Variants in CIMAP3 observed in about 807,000 individuals in gnomAD.
CIMAP3 encodes ciliary microtubule associated protein 3, also known as ciliary microtubule-associated protein 3.
At chr1:111,346,978 A>G in the CIMAP3 span, 1 of 1,613,884 alleles carries the variant, frequency 6.2e-7, no homozygotes. Context: ...CCATCCCCCG[A>G]ATTTGATTGG....
At chr1:111,352,168 G>T in the CIMAP3 span, 1 of 152,224 alleles carries the variant, frequency 6.6e-6, no homozygotes, top group African/African-American at 2.4e-5. Context: ...CAGACACTCA[G>T]GCCTGAGAGA....
At chr1:111,336,035 C>A in the CIMAP3 span, among the ~76,000 whole-genome samples, 2 of 152,192 alleles carry the variant, frequency 1.3e-5, no homozygotes, top group Non-Finnish European at 2.9e-5. Context: ...GCAGCATTCG[C>A]GGTTCATGAA....
the CIMAP3 span, among the ~76,000 whole-genome samples, chr1:111,350,816 T>C: frequency 6.6e-6 from 1 of 152,264 alleles, no homozygotes; most frequent in Non-Finnish European, 1.5e-5. Context: ...GAAAATCATT[T>C]AACACAGTAC....
chr1:111,335,081 T>C, the CIMAP3 span, among the ~76,000 whole-genome samples: 1 of 131,820 alleles, frequency 7.6e-6, no homozygotes, highest in East Asian at 2.1e-4. Context: ...TGAGCTGAGA[T>C]TGGGTCATTG....
chr1:111,326,183 T>C, the CIMAP3 span, among the ~76,000 whole-genome samples: 1 of 152,138 alleles, frequency 6.6e-6, no homozygotes, highest in African/African-American at 2.4e-5. Context: ...TCCAGTTACT[T>C]TGAAATATAC....
the CIMAP3 span, among the ~76,000 whole-genome samples, chr1:111,339,781 C>A: frequency 1.3e-5 from 2 of 151,742 alleles, 1 homozygote; most frequent in African/African-American, 4.9e-5. Flanking sequence ...CCATACTGCC[C>A]AAGGTAATTT....
chr1:111,334,958 T>C, the CIMAP3 span, among the ~76,000 whole-genome samples: 28 of 151,792 alleles, frequency 1.8e-4, no homozygotes, highest in East Asian at 5.4e-3. Context: ...CAAAACCCTG[T>C]CTCTACCAAA....
At chr1:111,346,730 G>A in the CIMAP3 span, 134 of 1,591,816 alleles carry the variant, frequency 8.4e-5, no homozygotes, top group East Asian at 3.0e-3. Flanking sequence ...GGGTGGGGAA[G>A]CTGGGAAAGA....
At chr1:111,338,170 C>T in the CIMAP3 span, among the ~76,000 whole-genome samples, 10 of 151,370 alleles carry the variant, frequency 6.6e-5, no homozygotes, top group African/African-American at 1.5e-4. Flanking sequence ...CACAACATAC[C>T]GGAATCTCTG....
the CIMAP3 span, among the ~76,000 whole-genome samples, chr1:111,326,690 T>C: frequency 6.6e-6 from 1 of 152,186 alleles, no homozygotes; most frequent in Non-Finnish European, 1.5e-5. Context: ...GTAGTTATAA[T>C]AATTTCCATT....
chr1:111,345,232 T>C, the CIMAP3 span, among the ~76,000 whole-genome samples: 3 of 152,376 alleles, frequency 2.0e-5, no homozygotes, highest in Admixed American at 2.0e-4. Context: ...GCAATTGTAT[T>C]TTAAGTAGAC....
At chr1:111,333,696 C>A in the CIMAP3 span, among the ~76,000 whole-genome samples, 1 of 152,136 alleles carries the variant, frequency 6.6e-6, no homozygotes, top group African/African-American at 2.4e-5. Context: ...TCCATTCTGC[C>A]CTCCTGGACT....
At chr1:111,346,887 G>A in the CIMAP3 span, 4 of 1,611,392 alleles carry the variant, frequency 2.5e-6, no homozygotes, top group South Asian at 4.4e-5. Flanking sequence ...TCCCTCACGT[G>A]GAGCCTCTCC....
the CIMAP3 span, among the ~76,000 whole-genome samples, chr1:111,337,160 C>T: frequency 6.6e-6 from 1 of 152,010 alleles, no homozygotes; most frequent in Non-Finnish European, 1.5e-5. Context: ...GAGATTTTGT[C>T]ACCACCAGGC....
At chr1:111,338,679 C>G in the CIMAP3 span, among the ~76,000 whole-genome samples, 2 of 152,020 alleles carry the variant, frequency 1.3e-5, no homozygotes, top group African/African-American at 4.8e-5. Flanking sequence ...CTAAATGGAC[C>G]AATAACAGGA....
chr1:111,328,691 A>G, the CIMAP3 span, among the ~76,000 whole-genome samples: 14 of 151,798 alleles, frequency 9.2e-5, no homozygotes, highest in Non-Finnish European at 2.9e-5. Context: ...TCTGTTTTCC[A>G]TTTACTTGAT....
the CIMAP3 span, chr1:111,348,549 G>GT: frequency 3.9e-5 from 62 of 1,608,646 alleles, no homozygotes; most frequent in Admixed American, 3.4e-4. Context: ...GTACCAGAAA[G>GT]TAAGTCCTCA....
At chr1:111,350,781 C>T in the CIMAP3 span, among the ~76,000 whole-genome samples, 1 of 152,276 alleles carries the variant, frequency 6.6e-6, no homozygotes, top group South Asian at 2.1e-4. Flanking sequence ...TAGAATCAAT[C>T]CGATAAGGTT....
At chr1:111,346,430 A>C in the CIMAP3 span, 1 of 559,646 alleles carries the variant, frequency 1.8e-6, no homozygotes, top group Non-Finnish European at 3.1e-6. Flanking sequence ...CGAATCCAGG[A>C]AACCCTCTAC....
Sources: gnomAD v4.1 joint callset for allele counts (sites outside exome capture counted in the v4.1 genomes callset) on GRCh38, gnomAD v4.1.1 for gene constraint, MANE v1.5 for transcripts, NCBI Gene and HGNC (gene_info 2026-07-23, HGNC 2026-07-21) for gene names.